STAC: variants seen among roughly 807,000 people sequenced by gnomAD.
The protein encoded by STAC is SH3 and cysteine-rich domain-containing protein.
In STAC, 43 loss-of-function variants were observed where a neutral mutation model predicts 48.8. The ratio of observed to expected loss-of-function variants is 0.88; its 90% CI spans 0.69 to 1.14. STAC has a LOEUF of 1.14. STAC is among the 50% of genes most tolerant of loss of function. The probability of loss-of-function intolerance (pLI) is 0.00; values close to 1 mark genes in which losing one functional copy is unlikely to be tolerated. For missense variants in STAC, 497 were observed against 504.0 expected, an observed-to-expected ratio of 0.99 and a Z score of 0.13; for synonymous variants, 193 against 179.5, an observed-to-expected ratio of 1.07 and a Z score of -0.60.
intron 2 of STAC, among the ~76,000 whole-genome samples, chr3:36,454,461 G>A (rs531739737): frequency 4.6e-5 from 7 of 152,100 alleles, no homozygotes; most frequent in East Asian, 1.9e-4. Context: ...CTCCGGACAC[G>A]CCACCATTAA....
chr3:36,400,317 G>A (rs774637641), intron 1 of STAC, among the ~76,000 whole-genome samples: 4 of 152,148 alleles, frequency 2.6e-5, no homozygotes, highest in East Asian at 3.9e-4. Context: ...ATTTGTCCAC[G>A]TGTTATATAA....
chr3:36,522,849 G>T (rs550604501), intron 8 of STAC, among the ~76,000 whole-genome samples: 1 of 152,254 alleles, frequency 6.6e-6, no homozygotes, highest in Non-Finnish European at 1.5e-5. Flanking sequence ...GGCTGGGCGG[G>T]GGATGCCTCA....
At chr3:36,427,918 C>T (rs1291512283) in intron 1 of STAC, among the ~76,000 whole-genome samples, 1 of 152,154 alleles carries the variant, frequency 6.6e-6, no homozygotes, top group Non-Finnish European at 1.5e-5. Context: ...GAAACATCAG[C>T]AAGCCCACAC....
chr3:36,514,923 A>AGCTACTC (rs1698634680), intron 8 of STAC, among the ~76,000 whole-genome samples: 2 of 151,946 alleles, frequency 1.3e-5, no homozygotes, highest in Admixed American at 6.6e-5. Context: ...CTGTAATCCC[A>AGCTACTC]GCTACTCGGG....
At chr3:36,423,828 C>T (rs990045276) in intron 1 of STAC, among the ~76,000 whole-genome samples, 1 of 152,150 alleles carries the variant, frequency 6.6e-6, no homozygotes, top group African/African-American at 2.4e-5. Flanking sequence ...AACACATTAT[C>T]GAGCTCTTTT....
At position 36,394,754 on chromosome 3, in the gene STAC, G is replaced by A. The variant is rs141384508; in HGVS notation, c.111+14000G>A. 5.4e-3 allele frequency among the ~76,000 whole-genome samples: 814 copies of A among 151,996 alleles called. 7 individuals carry two copies. The highest frequency in any genetic ancestry group is 0.017 in the African/African-American group (723 of 41,432). Reference sequence around the variant, plus strand: ...TCTACTAAAAATACAAAAATTAGCCGGGTGCGGTGGTGCACACCTGTAGTC... The same window carrying A: ...TCTACTAAAAATACAAAAATTAGCCAGGTGCGGTGGTGCACACCTGTAGTC... On this transcript the variant is annotated intron_variant, in intron 1 of 10. Transcript: ENST00000273183.
intron 1 of STAC, among the ~76,000 whole-genome samples, chr3:36,385,568 T>C (rs573784914): frequency 2.0e-5 from 2 of 100,774 alleles, no homozygotes; most frequent in African/African-American, 5.4e-5. Flanking sequence ...CTTGATGAAT[T>C]TTCAAAAAGA....
intron 8 of STAC, among the ~76,000 whole-genome samples, chr3:36,506,588 T>C (rs1187148475): frequency 6.6e-6 from 1 of 152,196 alleles, no homozygotes; most frequent in South Asian, 2.1e-4. Flanking sequence ...TTTGTTTGTG[T>C]CCTCTCTTGT....
chr3:36,422,563 T>G (rs1464388830), intron 1 of STAC, among the ~76,000 whole-genome samples: 1 of 152,152 alleles, frequency 6.6e-6, no homozygotes, highest in Non-Finnish European at 1.5e-5. Context: ...TGACAATTTT[T>G]TAATAAATAT....
At chr3:36,524,064 C>A (rs956129762) in intron 8 of STAC, among the ~76,000 whole-genome samples, 1 of 151,834 alleles carries the variant, frequency 6.6e-6, no homozygotes. Flanking sequence ...CCAGGGGCTC[C>A]CTGTAGATTG....
chr3:36,454,688 A>G (rs1696800422), intron 2 of STAC, among the ~76,000 whole-genome samples: 3 of 152,350 alleles, frequency 2.0e-5, no homozygotes, highest in Admixed American at 2.0e-4. Context: ...CTTTCCAGAA[A>G]ATAAAAATTT....
intron 10 of STAC, among the ~76,000 whole-genome samples, chr3:36,532,110 C>T (rs551712792): frequency 2.0e-5 from 3 of 152,146 alleles, no homozygotes; most frequent in Admixed American, 2.0e-4. Context: ...TGCACACACA[C>T]AACACACACA....
At chr3:36,545,424 T>C (rs1477273441) in intron 10 of STAC, among the ~76,000 whole-genome samples, 3 of 152,170 alleles carry the variant, frequency 2.0e-5, no homozygotes, top group Non-Finnish European at 4.4e-5. Flanking sequence ...AAGTCACTTG[T>C]ACAAGGAACC....
chr3:36,407,800 TCA>T (rs1408375092), intron 1 of STAC, among the ~76,000 whole-genome samples: 1 of 152,226 alleles, frequency 6.6e-6, no homozygotes, highest in Admixed American at 6.5e-5. Flanking sequence ...AGTTGTTATC[TCA>T]CAGTTTTTGT....
At chr3:36,393,255 T>A (rs1699789352) in intron 1 of STAC, among the ~76,000 whole-genome samples, 1 of 152,186 alleles carries the variant, frequency 6.6e-6, no homozygotes, top group African/African-American at 2.4e-5. Context: ...TTTCCTTCAT[T>A]GTAATTACTT....
chr3:36,501,118 T>C (rs753126700), intron 6 of STAC, among the ~76,000 whole-genome samples: 4 of 152,010 alleles, frequency 2.6e-5, no homozygotes, highest in Admixed American at 6.6e-5. Flanking sequence ...CAAAATCATA[T>C]GTTAAAGGGA....
intron 5 of STAC, among the ~76,000 whole-genome samples, chr3:36,492,218 G>A (rs1284084754): frequency 4.0e-5 from 6 of 151,082 alleles, no homozygotes; most frequent in African/African-American, 1.5e-4. Flanking sequence ...ACCCTGATTT[G>A]AAGCGTTTGC....
intron 2 of STAC, among the ~76,000 whole-genome samples, chr3:36,470,257 G>A (rs1483798293): frequency 6.6e-6 from 1 of 152,230 alleles, no homozygotes; most frequent in Non-Finnish European, 1.5e-5. Context: ...CCCACGGGGT[G>A]CTCCCTTGAT....
At chr3:36,421,575 G>A (rs1239924774) in intron 1 of STAC, among the ~76,000 whole-genome samples, 1 of 151,968 alleles carries the variant, frequency 6.6e-6, no homozygotes, top group Non-Finnish European at 1.5e-5. Context: ...ACAGATTTGG[G>A]TCTTCTTTCT....
Sources: gnomAD v4.1 joint callset for allele counts (sites outside exome capture counted in the v4.1 genomes callset) on GRCh38, gnomAD v4.1.1 for gene constraint, MANE v1.5 for transcripts, NCBI Gene and HGNC (gene_info 2026-07-23, HGNC 2026-07-21) for gene names.